SGCG: variants seen among roughly 807,000 people sequenced by gnomAD.
The protein encoded by SGCG is gamma-sarcoglycan.
SGCG carries 26 observed loss-of-function variants against 29.3 expected under a neutral mutation model. That is an observed-to-expected ratio of 0.89 (90% confidence interval 0.65 to 1.23). SGCG has a LOEUF of 1.23. Ranked by LOEUF, SGCG falls within the 50% of genes most tolerant of loss-of-function variation. SGCG has a pLI of 0.00. For missense variants in SGCG, 353 were observed against 356.0 expected (o/e 0.99, Z 0.07); for synonymous variants, 145 against 129.7 (o/e 1.12, Z -0.80).
chr13:23,201,448 G>A (rs1415848113), intron 1 of SGCG, among the ~76,000 whole-genome samples: 1 of 152,096 alleles, frequency 6.6e-6, no homozygotes, highest in African/African-American at 2.4e-5. Context: ...GGCAAGCCCA[G>A]TGTTATCACG....
rs138194891 is a variant in SGCG, at chr13:23,291,097, C to T, written c.506-4318C>T. 1.8e-4 allele frequency among the ~76,000 whole-genome samples: 27 copies of T among 152,326 alleles called. No homozygotes were observed. The East Asian group carries it at 4.8e-3, about 27-fold the overall frequency. The stretch of plus-strand genomic sequence containing the variant: ...TGGTGTTGTTTGAGTACTACTCCTT[C>T]ACAGTAGAATTGGACAAACCATTTA... On this transcript the variant is annotated intron_variant, in intron 5 of 7. Coordinates refer to ENST00000218867, the MANE Select transcript of SGCG (RefSeq NM_000231.3).
intron 2 of SGCG, among the ~76,000 whole-genome samples, chr13:23,204,821 T>C (rs17078461): frequency 0.091 from 13,841 of 151,422 alleles, 848 homozygotes; most frequent in South Asian, 0.2. Context: ...CTGAGAGCAA[T>C]GCTTGAAGTC....
intron 4 of SGCG, among the ~76,000 whole-genome samples, chr13:23,269,531 C>T (rs1178560344): frequency 6.6e-6 from 1 of 152,154 alleles, no homozygotes; most frequent in Non-Finnish European, 1.5e-5. Flanking sequence ...TTAGGTTTAT[C>T]CATCCTCCAT....
intron 4 of SGCG, among the ~76,000 whole-genome samples, chr13:23,276,035 T>C (rs770012150): frequency 6.6e-6 from 1 of 152,190 alleles, no homozygotes; most frequent in Non-Finnish European, 1.5e-5. Flanking sequence ...ATTAACTTTT[T>C]CTCTTTGTAC....
rs55873099 is a variant in SGCG at position 23,275,120 on chromosome 13, A to AATATATATATATATATATATATATAT, written c.386-4216_386-4215insTATATATATATATATATATATATATA. 3.3e-3 allele frequency among the ~76,000 whole-genome samples: 425 copies of AATATATATATATATATATATATATAT among 129,684 alleles called. 11 individuals carry two copies. Among genetic ancestry groups the AATATATATATATATATATATATATAT allele is most frequent in the Non-Finnish European group, 4.9e-3 (292 of 59,630 alleles). 85.1% of individuals were successfully genotyped at this position (129,684 alleles called of 152,430 possible). On this transcript the variant is annotated intron_variant, in intron 4 of 7. Coordinates refer to ENST00000218867, the MANE Select transcript of SGCG (RefSeq NM_000231.3). Reference sequence around the variant, plus strand: ...GGTAGGATAGTGTTCTAATGGATGGAATATATATATATATATATATATAGA... The same window carrying AATATATATATATATATATATATATAT: ...GGTAGGATAGTGTTCTAATGGATGGAATATATATATATATATATATATATATATATATATATATATATATATATAGA...
intron 6 of SGCG, among the ~76,000 whole-genome samples, chr13:23,299,454 A>ATTTTTTTTTT (rs1882057854): frequency 1.2e-4 from 5 of 42,678 alleles, no homozygotes; most frequent in East Asian, 5.0e-4. Flanking sequence ...ATATATATAT[A>ATTTTTTTTTT]TATTTTTTTT....
chr13:23,238,828 C>T (rs1879402877), intron 3 of SGCG, among the ~76,000 whole-genome samples: 1 of 152,028 alleles, frequency 6.6e-6, no homozygotes, highest in African/African-American at 2.4e-5. Context: ...AATGGTGGGA[C>T]TAACAGATTA....
chr13:23,300,153 C>G (rs476964), intron 6 of SGCG, among the ~76,000 whole-genome samples: 1 of 152,026 alleles, frequency 6.6e-6, no homozygotes. Flanking sequence ...GTCTGTTCAT[C>G]TACTTATCTA....
At chr13:23,258,290 T>A (rs1168830890) in intron 4 of SGCG, among the ~76,000 whole-genome samples, 1 of 152,162 alleles carries the variant, frequency 6.6e-6, no homozygotes, top group Admixed American at 6.5e-5. Flanking sequence ...TTCCTAGGTA[T>A]TTTATTCTCT....
At chr13:23,296,313 A>G (rs531511560) in intron 6 of SGCG, among the ~76,000 whole-genome samples, 1 of 152,372 alleles carries the variant, frequency 6.6e-6, no homozygotes, top group East Asian at 1.9e-4. Flanking sequence ...TTTAAAAGAT[A>G]TATGCACTAT....
chr13:23,257,356 A>C (rs1880234153), intron 4 of SGCG, among the ~76,000 whole-genome samples: 2 of 152,012 alleles, frequency 1.3e-5, no homozygotes, highest in Non-Finnish European at 1.5e-5. Context: ...GCTTTGCTGC[A>C]CCCATTAACT....
At chr13:23,323,774 G>T (rs895082152) in intron 7 of SGCG, among the ~76,000 whole-genome samples, 3 of 152,268 alleles carry the variant, frequency 2.0e-5, no homozygotes, top group African/African-American at 7.2e-5. Context: ...TAGGGAAATG[G>T]TTGCCAGCTA....
intron 1 of SGCG, among the ~76,000 whole-genome samples, chr13:23,202,208 G>A (rs371853910): frequency 4.1e-4 from 62 of 152,276 alleles, no homozygotes; most frequent in African/African-American, 1.3e-3. Flanking sequence ...TGATAGAGGC[G>A]TTTGGACATT....
At chr13:23,240,258 T>C (rs1483387841) in intron 3 of SGCG, among the ~76,000 whole-genome samples, 1 of 152,198 alleles carries the variant, frequency 6.6e-6, no homozygotes, top group Non-Finnish European at 1.5e-5. Context: ...GACATAGGAA[T>C]AAATTCTTCA....
At chr13:23,175,884 A>T in the SGCG span, among the ~76,000 whole-genome samples, 118 of 152,286 alleles carry the variant, frequency 7.7e-4, 1 homozygote, top group African/African-American at 2.8e-3. Context: ...TAATCAAAGA[A>T]TATGAGTGAG....
chr13:23,234,178 G>A (rs1005940746), intron 2 of SGCG, among the ~76,000 whole-genome samples: 2 of 152,148 alleles, frequency 1.3e-5, no homozygotes, highest in African/African-American at 4.8e-5. Flanking sequence ...GAACTCAGAT[G>A]ATGGTATTTA....
At position 23,310,321 on chromosome 13, in the gene SGCG, C is replaced by T. The variant is rs553321948; in HGVS notation, c.579-10316C>T. On this transcript the variant is annotated intron_variant, in intron 6 of 7. Transcript: ENST00000218867. ...CAGGGTGGTCTCGATCTCCTGACCT[C>T]ATGATCTGCCCGCCTCGGCCTCCCA... 2.7e-4 allele frequency among the ~76,000 whole-genome samples: 41 copies of T among 152,110 alleles called. No individual in the cohort carries two copies. The East Asian group carries it at 4.1e-3, about 15-fold the overall frequency.
chr13:23,224,221 C>T lies in SGCG; in HGVS notation c.196-10390C>T, dbSNP rs147818883. On this transcript the variant is annotated intron_variant, in intron 2 of 7. Coordinates refer to ENST00000218867, the MANE Select transcript of SGCG (RefSeq NM_000231.3). The stretch of plus-strand genomic sequence containing the variant: ...TTGATTTTGTTGTAATTACAAAACC[C>T]GAAAACCCCAATATTTTCTGAGGTT... Among the ~76,000 whole-genome samples, 734 of 152,144 alleles carry T rather than the reference C, an allele frequency of 4.8e-3. 7 individuals carry two copies. Among genetic ancestry groups the T allele is most frequent in the African/African-American group, 0.016 (680 of 41,512 alleles).
intron 3 of SGCG, among the ~76,000 whole-genome samples, chr13:23,241,798 AC>A (rs1879525204): frequency 6.6e-6 from 1 of 152,184 alleles, no homozygotes; most frequent in Non-Finnish European, 1.5e-5. Context: ...AACAATAAAC[AC>A]CATACATCAC....
Sources: gnomAD v4.1 joint callset for allele counts (sites outside exome capture counted in the v4.1 genomes callset) on GRCh38, gnomAD v4.1.1 for gene constraint, MANE v1.5 for transcripts, NCBI Gene and HGNC (gene_info 2026-07-23, HGNC 2026-07-21) for gene names.